The following DGKB variants were observed in gnomAD, a reference collection of about 807,000 sequenced individuals.
DGKB encodes the protein 90 kDa diacylglycerol kinase.
DGKB carries 67 observed loss-of-function variants against 114.3 expected under a neutral mutation model. The observed-to-expected ratio is 0.59, with a 90% confidence interval of 0.48 to 0.72. The LOEUF (loss-of-function observed/expected upper bound fraction) is 0.72. Ranked by LOEUF, DGKB falls within the 30% of genes least tolerant of loss-of-function variation. The pLI is 0.00. For missense variants in DGKB, 907 were observed against 975.2 expected (o/e 0.93, Z 0.93); for synonymous variants, 398 against 323.1 (o/e 1.23, Z -2.49).
At chr7:14,314,923 C>T (rs1035056723) in intron 23 of DGKB, among the ~76,000 whole-genome samples, 2 of 151,832 alleles carry the variant, frequency 1.3e-5, no homozygotes, top group Non-Finnish European at 2.9e-5. Flanking sequence ...ATCAGACTAA[C>T]AGCGGATCTC....
intron 25 of DGKB, among the ~76,000 whole-genome samples, chr7:14,160,298 T>G (rs1783683798): frequency 6.6e-6 from 1 of 151,838 alleles, no homozygotes; most frequent in African/African-American, 2.4e-5. Context: ...GAGAAAGAAA[T>G]AAAAGGTATT....
At chr7:14,749,692 GTGT>G (rs934336083) in intron 4 of DGKB, among the ~76,000 whole-genome samples, 38 of 151,906 alleles carry the variant, frequency 2.5e-4, no homozygotes, top group African/African-American at 8.2e-4. Context: ...ACATTTTTTG[GTGT>G]TGTCACTAGG....
chr7:14,798,063 T>A (rs1163506281), intron 2 of DGKB, among the ~76,000 whole-genome samples: 3 of 152,078 alleles, frequency 2.0e-5, no homozygotes, highest in Admixed American at 6.6e-5. Flanking sequence ...AATGGGGGAA[T>A]GTGTGCTGAT....
At chr7:14,852,867 A>G (rs915784286) in intron 1 of DGKB, among the ~76,000 whole-genome samples, 1 of 152,188 alleles carries the variant, frequency 6.6e-6, no homozygotes, top group African/African-American at 2.4e-5. Flanking sequence ...CTTACCAAAA[A>G]TAATTTTCCA....
intron 2 of DGKB, among the ~76,000 whole-genome samples, chr7:14,830,506 C>T (rs1846268133): frequency 6.6e-6 from 1 of 152,088 alleles, no homozygotes; most frequent in Non-Finnish European, 1.5e-5. Flanking sequence ...GCTGTAGTTA[C>T]TAGCATTTTA....
At chr7:14,490,115 G>A (rs1302008804) in intron 20 of DGKB, among the ~76,000 whole-genome samples, 1 of 152,020 alleles carries the variant, frequency 6.6e-6, no homozygotes, top group Admixed American at 6.6e-5. Flanking sequence ...TCCTTAGTGA[G>A]TCAATGAGGT....
chr7:14,393,384 C>G (rs1821730433), intron 21 of DGKB, among the ~76,000 whole-genome samples: 1 of 152,014 alleles, frequency 6.6e-6, no homozygotes, highest in South Asian at 2.1e-4. Flanking sequence ...GTTACTTCCC[C>G]AAAACAAATA....
intron 1 of DGKB, among the ~76,000 whole-genome samples, chr7:14,889,829 T>C (rs1047430945): frequency 6.6e-6 from 1 of 151,552 alleles, no homozygotes; most frequent in Non-Finnish European, 1.5e-5. Flanking sequence ...TTTGACTTGA[T>C]AGAAGTAGAC....
At chr7:14,823,901 C>T (rs528637310) in intron 2 of DGKB, among the ~76,000 whole-genome samples, 7 of 152,174 alleles carry the variant, frequency 4.6e-5, no homozygotes, top group Admixed American at 2.0e-4. Context: ...TCTGTTCTCA[C>T]GGTGCTAATA....
At chr7:14,441,787 C>A (rs1830123949) in intron 21 of DGKB, among the ~76,000 whole-genome samples, 1 of 151,786 alleles carries the variant, frequency 6.6e-6, no homozygotes, top group Non-Finnish European at 1.5e-5. Context: ...TATCAACTGC[C>A]TTTATTTTTT....
intron 21 of DGKB, among the ~76,000 whole-genome samples, chr7:14,465,561 T>C (rs1275776856): frequency 1.3e-5 from 2 of 152,172 alleles, no homozygotes; most frequent in Non-Finnish European, 2.9e-5. Flanking sequence ...TGTTAAAATG[T>C]TCTTCATCCA....
intron 21 of DGKB, among the ~76,000 whole-genome samples, chr7:14,429,360 C>T (rs1295887759): frequency 6.6e-6 from 1 of 152,052 alleles, no homozygotes; most frequent in African/African-American, 2.4e-5. Flanking sequence ...AGAAGATGTA[C>T]ATCTGTGAAT....
chr7:14,752,066 G>C (rs974919010), intron 4 of DGKB, among the ~76,000 whole-genome samples: 1 of 152,076 alleles, frequency 6.6e-6, no homozygotes, highest in Non-Finnish European at 1.5e-5. Flanking sequence ...ACAAACTAAA[G>C]ATAGAAAACT....
intron 21 of DGKB, among the ~76,000 whole-genome samples, chr7:14,461,484 A>G (rs1368603512): frequency 6.6e-6 from 1 of 152,230 alleles, no homozygotes; most frequent in Non-Finnish European, 1.5e-5. Flanking sequence ...ACCACTATGT[A>G]AATAAACTAG....
chr7:14,183,916 C>T (rs548043233), intron 23 of DGKB, among the ~76,000 whole-genome samples: 5 of 152,186 alleles, frequency 3.3e-5, no homozygotes, highest in African/African-American at 4.8e-5. Flanking sequence ...GACGCTCTGA[C>T]GGAAGTGGAC....
chr7:14,735,050 T>G (rs1454999335), intron 5 of DGKB, among the ~76,000 whole-genome samples: 6 of 152,146 alleles, frequency 3.9e-5, no homozygotes, highest in Non-Finnish European at 8.8e-5. Context: ...CGGTAGCATG[T>G]TGTCTCTACC....
intron 21 of DGKB, among the ~76,000 whole-genome samples, chr7:14,369,441 T>A (rs567013977): frequency 6.6e-6 from 1 of 152,272 alleles, no homozygotes; most frequent in African/African-American, 2.4e-5. Flanking sequence ...TACCTAGTAG[T>A]GGGATTACTG....
At chr7:14,265,764 T>A (rs1295820706) in intron 23 of DGKB, among the ~76,000 whole-genome samples, 1 of 152,220 alleles carries the variant, frequency 6.6e-6, no homozygotes, top group East Asian at 1.9e-4. Context: ...CATAGGAGGT[T>A]CTTTATCAAT....
At chr7:14,339,113 C>T (rs1811173505) in intron 22 of DGKB, among the ~76,000 whole-genome samples, 1 of 151,594 alleles carries the variant, frequency 6.6e-6, no homozygotes, top group Non-Finnish European at 1.5e-5. Context: ...GAACACACTG[C>T]AAGGTACTAT....
Sources: gnomAD v4.1 joint callset for allele counts (sites outside exome capture counted in the v4.1 genomes callset) on GRCh38, gnomAD v4.1.1 for gene constraint, MANE v1.5 for transcripts, NCBI Gene and HGNC (gene_info 2026-07-23, HGNC 2026-07-21) for gene names.